Variants in ITGA11 observed in about 807,000 individuals in gnomAD.
ITGA11 encodes the protein integrin alpha-11.
ITGA11 carries 97 observed loss-of-function variants against 141.9 expected under a neutral mutation model. That is an observed-to-expected ratio of 0.68 (90% confidence interval 0.58 to 0.81). The LOEUF (loss-of-function observed/expected upper bound fraction) is 0.81, where lower values mean the gene tolerates loss of function less well. Ranked by LOEUF, ITGA11 falls within the 30% of genes least tolerant of loss-of-function variation. The pLI is 0.00. For synonymous variants in ITGA11, 658 were observed against 624.6 expected, an observed-to-expected ratio of 1.05 and a Z score of -0.80; for missense variants, 1,387 against 1,559.2, an observed-to-expected ratio of 0.89 and a Z score of 1.86.
chr15:68,422,729 A>T (rs1897048933), intron 1 of ITGA11, among the ~76,000 whole-genome samples: 1 of 152,138 alleles, frequency 6.6e-6, no homozygotes, highest in African/African-American at 2.4e-5. Flanking sequence ...CATCCTGCCC[A>T]CCAAACCTCA....
rs757303327 is a variant in ITGA11 at position 68,335,662 on chromosome 15, C to T, written c.1425+35G>A. 1 of 1,608,816 alleles carries T rather than the reference C, an allele frequency of 6.2e-7. No homozygotes were observed. The highest frequency in any genetic ancestry group is 1.7e-5 in the Admixed American group (1 of 59,510). ...CCATTTGTCTGATCTGCCCCCTCTTCCCTCCATCCCGGCCCCAGGCTCCCC... is the reference window on the plus strand; with the variant it reads ...CCATTTGTCTGATCTGCCCCCTCTTTCCTCCATCCCGGCCCCAGGCTCCCC... On this transcript the variant is annotated intron_variant, in intron 12 of 29. Transcript: ENST00000315757. The surrounding 1 kb of genome is among the most constrained non-coding windows in gnomAD (Gnocchi z 4.9).
chr15:68,426,277 C>T (rs947816863), intron 1 of ITGA11, among the ~76,000 whole-genome samples: 3 of 152,214 alleles, frequency 2.0e-5, no homozygotes, highest in Non-Finnish European at 4.4e-5. Flanking sequence ...CATGAGTTAA[C>T]TCATTAGGCC....
intron 11 of ITGA11, among the ~76,000 whole-genome samples, chr15:68,336,749 A>G (rs191759927): frequency 4.6e-4 from 70 of 152,308 alleles, no homozygotes; most frequent in Non-Finnish European, 1.3e-4. Flanking sequence ...TGGGGAACAG[A>G]TGTCCCCTGC....
chr15:68,365,905 TG>T (rs1242576847), intron 3 of ITGA11, among the ~76,000 whole-genome samples: 1 of 152,028 alleles, frequency 6.6e-6, no homozygotes, highest in African/African-American at 2.4e-5. Flanking sequence ...TGTCGGTGAC[TG>T]GAAGTGTGAA....
At chr15:68,330,927 A>G in intron 15 of ITGA11, 54 bp downstream of exon 15, 1 of 1,606,904 alleles carries the variant, frequency 6.2e-7, no homozygotes, top group Non-Finnish European at 8.5e-7. Context: ...AAACCCCTGG[A>G]TTCATTGTGA....
chr15:68,337,203 G>A (rs964138897), intron 11 of ITGA11, among the ~76,000 whole-genome samples: 1 of 152,138 alleles, frequency 6.6e-6, no homozygotes, highest in African/African-American at 2.4e-5. Context: ...CTCTGGGCAG[G>A]CATGGGTCAG....
chr15:68,425,672 C>T (rs1313528481), intron 1 of ITGA11, among the ~76,000 whole-genome samples: 1 of 152,226 alleles, frequency 6.6e-6, no homozygotes, highest in Non-Finnish European at 1.5e-5. Flanking sequence ...ATTGGGAGTG[C>T]TCTTTGCAGA....
intron 9 of ITGA11, among the ~76,000 whole-genome samples, chr15:68,349,470 A>C (rs1894838497): frequency 6.6e-6 from 1 of 152,188 alleles, no homozygotes; most frequent in African/African-American, 2.4e-5. Context: ...CTCATCACTC[A>C]AGGCGACCAT....
chr15:68,336,081 C>G (rs1894347004), intron 11 of ITGA11: 1 of 575,294 alleles, frequency 1.7e-6, no homozygotes, highest in Non-Finnish European at 3.1e-6. Flanking sequence ...GCACCCCAGC[C>G]CCTGCTGGAG....
chr15:68,312,905 G>T lies in ITGA11; in HGVS notation c.2883-42C>A, dbSNP rs1279531783. On this transcript the variant is annotated intron_variant, in intron 23 of 29. Transcript: ENST00000315757. ...CAGGGCTGTCGTGAGCTCAGTCAGGGCTGGCTGGATGGACAGATGAATGAA... is the reference window on the plus strand; with the variant it reads ...CAGGGCTGTCGTGAGCTCAGTCAGGTCTGGCTGGATGGACAGATGAATGAA... 3 of 1,431,278 alleles carry T rather than the reference G, an allele frequency of 2.1e-6. No individual in the cohort carries two copies. In the African/African-American group the frequency reaches 4.2e-5, roughly 20 times the overall value. The allele number at this position is 1,431,278 out of a possible 1,614,324, so 88.7% of individuals were successfully genotyped here. A position where few individuals can be genotyped will look rare whatever the true frequency, so the allele number is the denominator to read the frequency against.
At chr15:68,365,455 TA>T (rs1895388781) in intron 3 of ITGA11, 2 of 483,002 alleles carry the variant, frequency 4.1e-6, no homozygotes, top group Admixed American at 6.4e-5. Context: ...ATTAGAATCA[TA>T]AAAAAATTGC....
rs1032432302 is a variant in ITGA11 at position 68,304,581 on chromosome 15, C to T, written c.3382-696G>A. Among the ~76,000 whole-genome samples, 5 of 152,182 alleles carry T rather than the reference C, an allele frequency of 3.3e-5. No individual in the cohort carries two copies. Among genetic ancestry groups the T allele is most frequent in the African/African-American group, 9.7e-5 (4 of 41,438 alleles). Reference sequence around the variant, plus strand: ...AGTCCTGTGGCTATCACCGTCTACACGCCGACTGCTCTCACATTTCTGTCG... The same window carrying T: ...AGTCCTGTGGCTATCACCGTCTACATGCCGACTGCTCTCACATTTCTGTCG... On this transcript the variant is annotated intron_variant, in intron 28 of 29. Transcript: ENST00000315757. The surrounding 1 kb of genome is among the most constrained non-coding windows in gnomAD (Gnocchi z 6.1).
Position 68,312,811 on chromosome 15 carries a change from A to G in ITGA11, c.2935T>C (p.Tyr979His). The G allele has an allele frequency of 6.2e-7, 1 of 1,613,798 alleles. No homozygotes were observed. Among genetic ancestry groups the G allele is most frequent in the Non-Finnish European group, 8.5e-7 (1 of 1,179,788 alleles). Residue 979 changes from tyrosine (Y) to histidine (H), a missense_variant, in exon 24 of 30, where the codon TAC (tyrosine) becomes CAC (histidine). Coordinates refer to ENST00000315757, the MANE Select transcript of ITGA11 (RefSeq NM_001004439.2). ...EVKPNSSLER[Y>H]DGIGPPFSCI... ...CTGAAGGGAGGCCCGATACCATCGT[A>G]TCTCTCCAGCGAGCTGTTGGGCTTG... is the stretch of plus-strand genomic sequence containing the variant.
intron 1 of ITGA11, among the ~76,000 whole-genome samples, chr15:68,419,236 A>C (rs1896961151): frequency 6.6e-6 from 1 of 152,144 alleles, no homozygotes; most frequent in Non-Finnish European, 1.5e-5. Flanking sequence ...TTTGGTTTTC[A>C]GTACAGGCCA....
chr15:68,341,843 A>G (rs1025425971), intron 10 of ITGA11, among the ~76,000 whole-genome samples: 2 of 152,188 alleles, frequency 1.3e-5, no homozygotes. Context: ...GACCCCTCAC[A>G]CTGATTCTCC....
At chr15:68,395,437 G>A (rs11636813) in intron 2 of ITGA11, among the ~76,000 whole-genome samples, 3,674 of 151,716 alleles carry the variant, frequency 0.024, 62 homozygotes, top group South Asian at 0.033. Context: ...TTGAAAAAAG[G>A]TTAGATGAGA....
chr15:68,391,398 C>T (rs1211145209), intron 2 of ITGA11, among the ~76,000 whole-genome samples: 1 of 152,204 alleles, frequency 6.6e-6, no homozygotes, highest in Non-Finnish European at 1.5e-5. Context: ...CTCTTCTATG[C>T]CCAACCTCCA....
At chr15:68,424,686 A>C (rs8036939) in intron 1 of ITGA11, among the ~76,000 whole-genome samples, 108,574 of 152,044 alleles carry the variant, frequency 0.71, 39,952 homozygotes, top group African/African-American at 0.9. Flanking sequence ...ACAGGAGTCA[A>C]CCCTTATTTA....
Position 68,374,787 on chromosome 15 carries a change from G to A in ITGA11, c.165-5503C>T, listed in dbSNP as rs1335559544. Among the ~76,000 whole-genome samples, 4 of 152,362 alleles carry A rather than the reference G, an allele frequency of 2.6e-5. No individual in the cohort carries two copies. The East Asian group carries it at 7.7e-4, about 29-fold the overall frequency. ...ACTGCCCAGGAAGGGAAGAATGTGG[G>A]TTCAATCCCCTCCCTGATGGGCCTC... On this transcript the variant is annotated intron_variant, in intron 2 of 29. Coordinates refer to ENST00000315757, the MANE Select transcript of ITGA11 (RefSeq NM_001004439.2).
Sources: allele counts gnomAD v4.1 joint callset (sites outside exome capture counted in the v4.1 genomes callset), GRCh38; gene constraint gnomAD v4.1.1; non-coding constraint Gnocchi (gnomAD v3.1); transcripts MANE v1.5; gene names NCBI Gene and HGNC (gene_info 2026-07-23, HGNC 2026-07-21).